Variants in WDR26 observed in about 807,000 individuals in gnomAD.
The protein encoded by WDR26 is WD repeat-containing protein 26.
A neutral mutation model predicts 84.1 loss-of-function variants in WDR26; 5 were observed. The observed-to-expected ratio is 0.06, with a 90% CI of 0.03 to 0.13. WDR26 has a LOEUF of 0.13. Ranked by LOEUF, WDR26 falls within the 10% of genes least tolerant of loss-of-function variation. The pLI, the probability that WDR26 is intolerant of heterozygous loss-of-function variation, is 1.00. For synonymous variants in WDR26, 415 were observed against 389.6 expected (o/e 1.07, Z -0.77); for missense variants, 642 against 974.9 (o/e 0.66, Z 4.55).
At chr1:224,433,599 C>CA (rs2102929411) in intron 1 of WDR26, 85 bp downstream of exon 1, 50 of 745,928 alleles carry the variant, frequency 6.7e-5, no homozygotes, top group Non-Finnish European at 8.5e-5. Flanking sequence ...TCAAGCCCCC[C>CA]TCCCCCCTCC....
chr1:224,428,240 T>C (rs1368207690), intron 3 of WDR26, among the ~76,000 whole-genome samples: 1 of 152,154 alleles, frequency 6.6e-6, no homozygotes, highest in African/African-American at 2.4e-5. Context: ...TAAACTGAAC[T>C]CAACATGAAA....
intron 4 of WDR26, among the ~76,000 whole-genome samples, chr1:224,422,919 T>C (rs1674105919): frequency 6.6e-6 from 1 of 152,150 alleles, no homozygotes; most frequent in African/African-American, 2.4e-5. Flanking sequence ...CTTAAGTTCT[T>C]CCCTTAAGCA....
Position 224,424,521 on chromosome 1 carries a change from C to G in WDR26, c.1061G>C (p.Ser354Thr). ...TTCAAGAACTCAGTTTCCTTACCCACTAAGAACATGAATGCGCTCTGTATT... is the reference window on the plus strand; with the variant it reads ...TTCAAGAACTCAGTTTCCTTACCCAGTAAGAACATGAATGCGCTCTGTATT... Residue 354 changes from serine to threonine, a missense_variant, in exon 4 of 14, where the codon AGT becomes ACT. Transcript: ENST00000414423. The G allele has an allele frequency of 6.2e-7, 1 of 1,613,900 alleles. No homozygotes were observed. Among genetic ancestry groups the G allele is most frequent in the Non-Finnish European group, 8.5e-7 (1 of 1,179,840 alleles).
intron 8 of WDR26, 46 bp downstream of exon 8, chr1:224,404,384 G>A (rs987936219): frequency 1.9e-6 from 3 of 1,594,932 alleles, no homozygotes; most frequent in Non-Finnish European, 2.6e-6. Context: ...TGTACATTAT[G>A]ACTATGCTGT....
intron 7 of WDR26, among the ~76,000 whole-genome samples, chr1:224,408,670 C>T (rs1430448369): frequency 1.6e-5 from 2 of 128,588 alleles, no homozygotes; most frequent in South Asian, 2.3e-4. Context: ...GACAGGAGGG[C>T]AAGAGGTTTT....
intron 7 of WDR26, among the ~76,000 whole-genome samples, chr1:224,408,454 C>A (rs960800486): frequency 5.9e-5 from 9 of 152,176 alleles, no homozygotes; most frequent in Admixed American, 5.9e-4. Flanking sequence ...TTCTTATACA[C>A]TGCTACTAGG....
chr1:224,428,841 G>A (rs1489273159), intron 3 of WDR26, among the ~76,000 whole-genome samples: 1 of 151,504 alleles, frequency 6.6e-6, no homozygotes, highest in Non-Finnish European at 1.5e-5. Flanking sequence ...CGGAGGCAGA[G>A]GTCGCAGTGA....
Position 224,385,449 on chromosome 1 carries a change from TGA to T in WDR26, c.*4384_*4385del, listed in dbSNP as rs1158442903. On this transcript the variant is annotated 3_prime_UTR_variant, in exon 14 of 14. Coordinates refer to ENST00000414423, the MANE Select transcript of WDR26 (RefSeq NM_001379403.1). ...AAATTTAAACTAAGTAAATATAATC[TGA>T]GAGGCAGTTAAAAAAACAAAAATCA... 1.3e-5 allele frequency: 2 copies of T among 152,542 alleles called. No individual in the cohort carries two copies. Among genetic ancestry groups the T allele is most frequent in the Admixed American group, 1.3e-4 (2 of 15,280 alleles). 9.4% of individuals were successfully genotyped at this position (152,542 alleles called of 1,614,324 possible).
intron 4 of WDR26, among the ~76,000 whole-genome samples, chr1:224,423,922 G>C (rs1231288043): frequency 6.6e-6 from 1 of 152,028 alleles, no homozygotes; most frequent in Non-Finnish European, 1.5e-5. Context: ...CAAACCTTTG[G>C]GTACTCTAAC....
rs1327606508 is a variant in WDR26 at position 224,424,583 on chromosome 1, A to C, written c.999T>G (p.Leu333=). The C allele has an allele frequency of 1.9e-6, 3 of 1,614,164 alleles. No homozygotes were observed. In the Admixed American group the frequency reaches 5.0e-5, roughly 27 times the overall value. Residue 333 remains leucine (L), a synonymous_variant, in exon 4 of 14, where the codon CTT becomes CTG. Transcript: ENST00000414423. ...GCGTCAATTCACAGCGTAGAACTTG[A>C]AGTGCCTCCAGGACCTTGCCATCCT...
chr1:224,433,824 A>G lies in WDR26; in HGVS notation c.582T>C (p.Ala194=), dbSNP rs1209574124. ...AGGAGGCGGCGGTGGTGGCGGAGGC[A>G]GCTGCGACGGTGGCTGAGGATGCGG... The change falls in exon 1 of 14, where the codon GCT becomes GCC. Residue 194 remains alanine (A), a synonymous_variant. Coordinates refer to ENST00000414423, the MANE Select transcript of WDR26 (RefSeq NM_001379403.1). 6.5e-7 allele frequency: 1 copy of G among 1,536,806 alleles called. No individual in the cohort carries two copies. The highest frequency in any genetic ancestry group is 8.7e-7 in the Non-Finnish European group (1 of 1,146,768).
In WDR26 at chr1:224,389,337, T is replaced by C. The variant is rs1194214256; in HGVS notation, c.*498A>G. The C allele has an allele frequency of 1.3e-5, 3 of 224,068 alleles. No individual in the cohort carries two copies. Among genetic ancestry groups the C allele is most frequent in the African/African-American group, 6.8e-5 (3 of 43,920 alleles). 13.9% of individuals were successfully genotyped at this position (224,068 alleles called of 1,614,324 possible). On this transcript the variant is annotated 3_prime_UTR_variant, in exon 14 of 14. Transcript: ENST00000414423. Reference sequence around the variant, plus strand: ...GAATCCATGAACCAAGCTGCAAAGATCTCAAGCTAAATAAGGCGGAAAGAT... The same window carrying C: ...GAATCCATGAACCAAGCTGCAAAGACCTCAAGCTAAATAAGGCGGAAAGAT...
chr1:224,404,721 A>G, intron 7 of WDR26, 151 bp from the exon 8 acceptor site: 2 of 859,404 alleles, frequency 2.3e-6, no homozygotes, highest in South Asian at 1.8e-5. Flanking sequence ...TTGCTTCATA[A>G]AGACTCATTC....
chr1:224,398,818 A>G (rs1374401424), intron 10 of WDR26, 71 bp downstream of exon 10: 8 of 1,580,028 alleles, frequency 5.1e-6, no homozygotes, highest in Non-Finnish European at 6.9e-6. Flanking sequence ...AAACTGTGAA[A>G]AGGCAAGTTC....
intron 9 of WDR26, among the ~76,000 whole-genome samples, chr1:224,399,487 C>CA (rs979760556): frequency 7.9e-5 from 12 of 152,092 alleles, no homozygotes; most frequent in Non-Finnish European, 1.6e-4. Context: ...TGACATTTTT[C>CA]AAAAATTTAC....
At chr1:224,400,020 G>A (rs1673367680) in intron 9 of WDR26, among the ~76,000 whole-genome samples, 1 of 152,166 alleles carries the variant, frequency 6.6e-6, no homozygotes. Flanking sequence ...GGGACCATGT[G>A]AGTCTGTAAT....
At chr1:224,424,186 G>C (rs952927917) in intron 4 of WDR26, among the ~76,000 whole-genome samples, 1 of 152,194 alleles carries the variant, frequency 6.6e-6, no homozygotes, top group African/African-American at 2.4e-5. Context: ...AAATGTCATT[G>C]TTTACTGTGA....
rs139512401 is a variant in WDR26, at chr1:224,394,956, G to C, written c.2075-943C>G. On this transcript the variant is annotated intron_variant, in intron 12 of 13. Transcript: ENST00000414423. ...TGGTCCCTTATCTGCATCATGATAT[G>C]GCTTTGTAGACTATAATCTCATGAA... Among the ~76,000 whole-genome samples, 37 of 152,188 alleles carry C rather than the reference G, an allele frequency of 2.4e-4. No homozygotes were observed. The East Asian group carries it at 4.6e-3, about 19-fold the overall frequency.
At position 224,434,583 on chromosome 1, in the gene WDR26, C is replaced by T. The variant is rs1379231436; in HGVS notation, c.-178G>A. The T allele has an allele frequency of 2.0e-6, 1 of 490,394 alleles. No homozygotes were observed. 30.4% of individuals were successfully genotyped at this position (490,394 alleles called of 1,614,324 possible). ...GATCCGGGCCCTTTCCCCCCCCCCT[C>T]CCGGAGGCAGCTCGGGGTGCGCGGC... On this transcript the variant is annotated 5_prime_UTR_variant, in exon 1 of 14. Coordinates refer to ENST00000414423, the MANE Select transcript of WDR26 (RefSeq NM_001379403.1).
Sources: allele counts gnomAD v4.1 joint callset (sites outside exome capture counted in the v4.1 genomes callset), GRCh38; gene constraint gnomAD v4.1.1; transcripts MANE v1.5; gene names NCBI Gene and HGNC (gene_info 2026-07-23, HGNC 2026-07-21).